VWC2L: variants seen among roughly 807,000 people sequenced by gnomAD.
VWC2L encodes the protein von Willebrand factor C domain containing 2 like.
VWC2L carries 10 observed loss-of-function variants against 21.6 expected under a neutral mutation model. The ratio of observed to expected loss-of-function variants is 0.46; its 90% CI spans 0.29 to 0.78. The LOEUF (loss-of-function observed/expected upper bound fraction) is 0.78. Among genes scored for constraint, VWC2L ranks in the 30% least tolerant of loss-of-function variants. VWC2L has a pLI of 0.10. For missense variants in VWC2L, 209 were observed against 277.1 expected, an observed-to-expected ratio of 0.75 and a Z score of 1.74; for synonymous variants, 96 against 94.3, an observed-to-expected ratio of 1.02 and a Z score of -0.10.
intron 3 of VWC2L, among the ~76,000 whole-genome samples, chr2:214,512,769 A>AATGC (rs1689076494): frequency 1.3e-5 from 2 of 151,746 alleles, no homozygotes; most frequent in Non-Finnish European, 2.9e-5. Context: ...CTACAGGAAG[A>AATGC]ATGCATAAGT....
chr2:214,541,498 T>C (rs1053083582), intron 3 of VWC2L, among the ~76,000 whole-genome samples: 1 of 152,206 alleles, frequency 6.6e-6, no homozygotes, highest in African/African-American at 2.4e-5. Flanking sequence ...AAAGAAATGA[T>C]TGAATGAACT....
rs576108603 is a variant in VWC2L, at chr2:214,553,828, G to T, written c.521-21844G>T. 2.0e-5 allele frequency among the ~76,000 whole-genome samples: 3 copies of T among 152,212 alleles called. No individual in the cohort carries two copies. In the South Asian group the frequency reaches 6.2e-4, roughly 32 times the overall value. ...GGCCAAGGGGAAGGTCCATCAGTTG[G>T]CTGAGAGGCTTAGAATTTCATTTTT... On this transcript the variant is annotated intron_variant, in intron 3 of 3. Transcript: ENST00000312504.
chr2:214,511,625 G>T (rs1231107544), intron 3 of VWC2L, among the ~76,000 whole-genome samples: 1 of 152,058 alleles, frequency 6.6e-6, no homozygotes, highest in African/African-American at 2.4e-5. Flanking sequence ...GAACTTCCCA[G>T]TTTCTAGAAC....
intron 2 of VWC2L, among the ~76,000 whole-genome samples, chr2:214,419,198 T>C (rs932704781): frequency 3.9e-5 from 6 of 152,318 alleles, no homozygotes; most frequent in African/African-American, 1.4e-4. Flanking sequence ...GTTCTGGTAA[T>C]ATTGTATTAA....
chr2:214,511,065 T>A (rs1431234285), intron 3 of VWC2L, among the ~76,000 whole-genome samples: 1 of 152,096 alleles, frequency 6.6e-6, no homozygotes, highest in Non-Finnish European at 1.5e-5. Flanking sequence ...GGCGGAAGGA[T>A]CACTTGAGCT....
intron 3 of VWC2L, among the ~76,000 whole-genome samples, chr2:214,496,548 G>A (rs1407353594): frequency 2.0e-5 from 3 of 152,212 alleles, no homozygotes; most frequent in South Asian, 2.1e-4. Context: ...CTAAGAATAC[G>A]TTCAACAGTC....
chr2:214,559,502 T>C (rs116104619), intron 3 of VWC2L, among the ~76,000 whole-genome samples: 188 of 152,238 alleles, frequency 1.2e-3, no homozygotes, highest in African/African-American at 4.3e-3. Context: ...TGGCCCCTCC[T>C]TCTCCCACCA....
intron 3 of VWC2L, among the ~76,000 whole-genome samples, chr2:214,569,345 AC>A (rs1489471665): frequency 2.6e-5 from 4 of 152,086 alleles, no homozygotes; most frequent in Non-Finnish European, 2.9e-5. Flanking sequence ...AGACACACAC[AC>A]ACACACCCCT....
intron 3 of VWC2L, among the ~76,000 whole-genome samples, chr2:214,452,537 G>T (rs1012179303): frequency 1.3e-5 from 2 of 151,970 alleles, no homozygotes; most frequent in African/African-American, 4.8e-5. Flanking sequence ...TCTAATTTTT[G>T]ATTATTACAA....
chr2:214,432,671 G>A (rs1002056015), intron 2 of VWC2L, among the ~76,000 whole-genome samples: 2 of 152,128 alleles, frequency 1.3e-5, no homozygotes, highest in Non-Finnish European at 2.9e-5. Context: ...GTGTATAGCA[G>A]GAAACCCCTT....
chr2:214,450,297 G>A (rs1445984448), intron 3 of VWC2L, among the ~76,000 whole-genome samples: 2 of 152,072 alleles, frequency 1.3e-5, no homozygotes, highest in Non-Finnish European at 2.9e-5. Context: ...GGTCTCAGCT[G>A]AGTGAAGTAA....
intron 3 of VWC2L, among the ~76,000 whole-genome samples, chr2:214,573,745 G>C (rs924505766): frequency 3.3e-5 from 5 of 152,240 alleles, no homozygotes; most frequent in Admixed American, 3.3e-4. Context: ...CCCAAAGGCA[G>C]TCCAATCTAT....
Position 214,575,716 on chromosome 2 carries a change from G to A in VWC2L, c.565G>A (p.Glu189Lys). Reference sequence around the variant, plus strand: ...AACGACGATAATTCCAGCTGGCATTGAAGTGAAAGTGGACGAATGTAACAT... The same window carrying A: ...AACGACGATAATTCCAGCTGGCATTAAAGTGAAAGTGGACGAATGTAACAT... ...AGTTIIPAGI[E>K]VKVDECNICH... Residue 189 changes from glutamate to lysine, a missense_variant, in exon 4 of 4, where the codon GAA (glutamate) becomes AAA (lysine). Coordinates refer to ENST00000312504, the MANE Select transcript of VWC2L (RefSeq NM_001080500.4). 5 of 1,613,504 alleles carry A rather than the reference G, an allele frequency of 3.1e-6. No individual in the cohort carries two copies. Among genetic ancestry groups the A allele is most frequent in the Non-Finnish European group, 4.2e-6 (5 of 1,179,530 alleles).
At chr2:214,571,918 C>G (rs1304694649) in intron 3 of VWC2L, among the ~76,000 whole-genome samples, 1 of 152,122 alleles carries the variant, frequency 6.6e-6, no homozygotes, top group East Asian at 1.9e-4. Context: ...TCCCCAGTAT[C>G]TGGGACAACA....
At chr2:214,436,889 T>C in intron 3 of VWC2L, 131 bp downstream of exon 3, 1 of 1,046,960 alleles carries the variant, frequency 9.6e-7, no homozygotes, top group African/African-American at 1.6e-5. Context: ...ATGGCGGATG[T>C]ATATTTTTAT....
At chr2:214,489,699 C>G (rs1375174189) in intron 3 of VWC2L, among the ~76,000 whole-genome samples, 1 of 152,122 alleles carries the variant, frequency 6.6e-6, no homozygotes, top group African/African-American at 2.4e-5. Flanking sequence ...CAAATTAGGG[C>G]AAGTAATGCT....
intron 3 of VWC2L, among the ~76,000 whole-genome samples, chr2:214,479,004 T>G (rs1216160378): frequency 2.0e-5 from 3 of 152,202 alleles, no homozygotes; most frequent in African/African-American, 7.2e-5. Flanking sequence ...AAGTGAGACA[T>G]GAGGGTTCAG....
chr2:214,436,846 T>A, intron 3 of VWC2L, 88 bp downstream of exon 3: 1 of 1,486,918 alleles, frequency 6.7e-7, no homozygotes. Flanking sequence ...GCAAGACCCC[T>A]CTAAGATCTG....
intron 1 of VWC2L, 104 bp from the exon 2 acceptor site, chr2:214,414,010 T>C (rs73072752): frequency 0.15 from 93,263 of 615,736 alleles, 8,628 homozygotes; most frequent in African/African-American, 0.32. Flanking sequence ...TTTGAGGACT[T>C]AGTATCTTCA....
Sources: allele counts gnomAD v4.1 joint callset (sites outside exome capture counted in the v4.1 genomes callset), GRCh38; gene constraint gnomAD v4.1.1; transcripts MANE v1.5; gene names NCBI Gene and HGNC (gene_info 2026-07-23, HGNC 2026-07-21).